HABP2: variants seen among roughly 807,000 people sequenced by gnomAD.
The protein encoded by HABP2 is factor VII-activating protease.
Under a neutral mutation model 66.5 loss-of-function variants are expected in HABP2, and 65 were observed. The observed-to-expected ratio is 0.98, with a 90% CI of 0.80 to 1.20. The LOEUF (loss-of-function observed/expected upper bound fraction) is 1.20. HABP2 is among the 50% of genes most tolerant of loss of function. The pLI, the probability that HABP2 is intolerant of heterozygous loss-of-function variation, is 0.00. For synonymous variants in HABP2, 263 were observed against 253.9 expected, an observed-to-expected ratio of 1.04 and a Z score of -0.34; for missense variants, 786 against 691.0, an observed-to-expected ratio of 1.14 and a Z score of -1.54.
Position 113,588,234 on chromosome 10 carries a change from G to C in HABP2, c.1548G>C (p.Glu516Asp). ...ACTCTGGAGGCCCCCTGACCTGTGA[G>C]AAGGACGGCACCTACTACGTCTATG... ...QGDSGGPLTC[E>D]KDGTYYVYGI... Residue 516 changes from glutamate to aspartate, a missense_variant, in exon 13 of 13, where the codon GAG becomes GAC. By Grantham distance (45) the Glu-to-Asp change is conservative. Transcript: ENST00000351270. 1 of 1,612,018 alleles carries C rather than the reference G, an allele frequency of 6.2e-7. No homozygotes were observed. The highest frequency in any genetic ancestry group is 8.5e-7 in the Non-Finnish European group (1 of 1,178,998).
At chr10:113,550,926 C>T (rs573017053), upstream of HABP2, 1 of 152,510 alleles carries the variant, frequency 6.6e-6, no homozygotes, top group East Asian at 1.9e-4. Flanking sequence ...TCCTTCATCC[C>T]CACATCACCA....
chr10:113,571,653 T>C (rs1845314340), intron 2 of HABP2, among the ~76,000 whole-genome samples: 1 of 152,158 alleles, frequency 6.6e-6, no homozygotes, highest in South Asian at 2.1e-4. Context: ...GATTGGCTCA[T>C]ACTGAAGCAG....
chr10:113,567,600 T>A, intron 2 of HABP2, 75 bp downstream of exon 2: 1 of 1,092,532 alleles, frequency 9.2e-7, no homozygotes, highest in Non-Finnish European at 1.4e-6. Flanking sequence ...GAGGCCTAAG[T>A]ATGGAAGTGT....
chr10:113,555,177 G>A (rs1369774604), intron 1 of HABP2, among the ~76,000 whole-genome samples: 1 of 152,206 alleles, frequency 6.6e-6, no homozygotes, highest in African/African-American at 2.4e-5. Context: ...CCATGAATTG[G>A]TTCATCTCTG....
chr10:113,555,610 C>A (rs186145746), intron 1 of HABP2, among the ~76,000 whole-genome samples: 1 of 152,234 alleles, frequency 6.6e-6, no homozygotes, highest in East Asian at 1.9e-4. Flanking sequence ...ATTCTGATAT[C>A]CACTAGCCCA....
At chr10:113,553,568 A>G (rs1264198538) in intron 1 of HABP2, among the ~76,000 whole-genome samples, 2 of 152,242 alleles carry the variant, frequency 1.3e-5, no homozygotes, top group African/African-American at 4.8e-5. Context: ...TGGTGCTGAC[A>G]CACACAGTTT....
At chr10:113,580,735 T>C (rs780706878) in intron 8 of HABP2, 43 bp downstream of exon 8, 2 of 965,736 alleles carry the variant, frequency 2.1e-6, no homozygotes, top group Admixed American at 1.7e-5. Context: ...GTGGGGGGGA[T>C]GGAGATTTGT....
chr10:113,560,070 T>C (rs1025888117), intron 1 of HABP2, among the ~76,000 whole-genome samples: 32 of 152,200 alleles, frequency 2.1e-4, no homozygotes, highest in African/African-American at 6.8e-4. Context: ...TGTGGTCTGG[T>C]GAACAGCTTC....
chr10:113,588,505 T>A lies in HABP2; in HGVS notation c.*136T>A. On this transcript the variant is annotated 3_prime_UTR_variant, in exon 13 of 13. Transcript: ENST00000351270. Reference sequence around the variant, plus strand: ...TATCCCTACTCTAAGCAGAGACAACTGCCACCCAGCCTGGGCCTTCCCAGA... The same window carrying A: ...TATCCCTACTCTAAGCAGAGACAACAGCCACCCAGCCTGGGCCTTCCCAGA... The A allele has an allele frequency of 1.6e-6, 1 of 627,574 alleles. No individual in the cohort carries two copies. Among genetic ancestry groups the A allele is most frequent in the South Asian group, 2.4e-5 (1 of 40,888 alleles). 38.9% of individuals were successfully genotyped at this position (627,574 alleles called of 1,614,324 possible). A position where few individuals can be genotyped will look rare whatever the true frequency, so the allele number is the denominator to read the frequency against.
rs1464668300 is a variant in HABP2 at position 113,578,105 on chromosome 10, T to C, written c.528T>C (p.Cys176=). Residue 176 remains cysteine (C), a synonymous_variant, in exon 6 of 13, where the codon TGT becomes TGC. Coordinates refer to ENST00000351270, the MANE Select transcript of HABP2 (RefSeq NM_004132.5). ...SRHKRRSKFT[C]ACPDQFKGKF... ...ATAAGCGGAGATCCAAGTTCACCTG[T>C]GCCTGTCCCGACCAGTTCAAGGGGA... 3.7e-6 allele frequency: 6 copies of C among 1,614,074 alleles called. No homozygotes were observed. The African/African-American group carries it at 4.0e-5, about 11-fold the overall frequency.
In HABP2 at chr10:113,553,170, G is replaced by C. The variant is rs1489838368; in HGVS notation, c.49G>C (p.Val17Leu). The change falls in exon 1 of 13, where the codon GTG (valine) becomes CTG (leucine). Residue 17 changes from valine to leucine, a missense_variant. Coordinates refer to ENST00000351270, the MANE Select transcript of HABP2 (RefSeq NM_004132.5). ...DLHVLLLMAL[V>L]GKTACGFSLM... ...CCATGTTCTGCTGTTAATGGCTCTG[G>C]TGGGAAAGACAGCCTGTGGGGTAAG... is the stretch of plus-strand genomic sequence containing the variant. 6.2e-7 allele frequency: 1 copy of C among 1,612,984 alleles called. No homozygotes were observed. The highest frequency in any genetic ancestry group is 1.3e-5 in the African/African-American group (1 of 75,018).
intron 1 of HABP2, among the ~76,000 whole-genome samples, chr10:113,559,299 CATTTGTACAG>C (rs1184897169): frequency 2.0e-5 from 3 of 152,200 alleles, no homozygotes; most frequent in Non-Finnish European, 4.4e-5. Flanking sequence ...TGGGATGAGC[CATTTGTACAG>C]ATATTTCTCA....
Position 113,588,843 on chromosome 10 carries a change from A to G in HABP2, c.*474A>G, listed in dbSNP as rs1041312681. On this transcript the variant is annotated 3_prime_UTR_variant, in exon 13 of 13. Transcript: ENST00000351270. ...ACATTCTCCATCTGCTTTCAGAGTT[A>G]TTATTTTAATAAAGGAAGATCTGGG... The G allele has an allele frequency of 8.5e-6, 6 of 704,060 alleles. No homozygotes were observed. The highest frequency in any genetic ancestry group is 3.6e-5 in the African/African-American group (2 of 56,294). The allele number at this position is 704,060 out of a possible 1,614,324, so 43.6% of individuals were successfully genotyped here.
intron 4 of HABP2, 113 bp from the exon 5 acceptor site, chr10:113,577,037 G>A (rs898131508): frequency 2.2e-5 from 16 of 716,964 alleles, no homozygotes; most frequent in South Asian, 6.6e-5. Flanking sequence ...TCAGGACCAC[G>A]GACAAGGCTA....
chr10:113,585,266 G>A (rs929347816), intron 11 of HABP2, among the ~76,000 whole-genome samples: 1 of 152,190 alleles, frequency 6.6e-6, no homozygotes, highest in African/African-American at 2.4e-5. Context: ...ATCTTTTGGA[G>A]CCTCAGGTTA....
intron 11 of HABP2, among the ~76,000 whole-genome samples, chr10:113,585,110 T>C (rs1272690241): frequency 2.0e-5 from 3 of 152,110 alleles, no homozygotes; most frequent in Non-Finnish European, 4.4e-5. Context: ...CAACTTTGAG[T>C]CTTTTGAGAA....
In HABP2 at chr10:113,577,201, C is replaced by G. The variant is rs747855681; in HGVS notation, c.383C>G (p.Thr128Ser). The change falls in exon 5 of 13, where the codon ACC (threonine) becomes AGC (serine). Residue 128 changes from threonine to serine, a missense_variant. By Grantham distance (58) the Thr-to-Ser change is moderately conservative. Coordinates refer to ENST00000351270, the MANE Select transcript of HABP2 (RefSeq NM_004132.5). ...NPCGRGQCLI[T>S]QSPPYYRCVC... The stretch of plus-strand genomic sequence containing the variant: ...TGTGGCCGGGGCCAATGTCTCATTA[C>G]CCAGAGTCCTCCCTACTACCGCTGT... 1.9e-6 allele frequency: 3 copies of G among 1,613,132 alleles called. No individual in the cohort carries two copies. In the East Asian group the frequency reaches 6.7e-5, roughly 36 times the overall value.
intron 1 of HABP2, among the ~76,000 whole-genome samples, chr10:113,559,256 C>T (rs1565096223): frequency 6.6e-6 from 1 of 152,218 alleles, no homozygotes; most frequent in Non-Finnish European, 1.5e-5. Context: ...CTTCAAAGCT[C>T]CCCTCCACCA....
chr10:113,581,508 G>T (rs11575770), intron 8 of HABP2, among the ~76,000 whole-genome samples: 1 of 152,134 alleles, frequency 6.6e-6, no homozygotes, highest in Non-Finnish European at 1.5e-5. Context: ...ATAATGAAAG[G>T]TGCATTGATG....
Sources: gnomAD v4.1 joint callset for allele counts (sites outside exome capture counted in the v4.1 genomes callset) on GRCh38, gnomAD v4.1.1 for gene constraint, MANE v1.5 for transcripts, NCBI Gene and HGNC (gene_info 2026-07-23, HGNC 2026-07-21) for gene names.